C8orf34: variants seen among roughly 807,000 people sequenced by gnomAD.
C8orf34 encodes chromosome 8 open reading frame 34.
A neutral mutation model predicts 68.3 loss-of-function variants in C8orf34; 65 were observed. The observed-to-expected ratio is 0.95, with a 90% CI of 0.78 to 1.17. The LOEUF (loss-of-function observed/expected upper bound fraction) is 1.17. Among genes scored for constraint, C8orf34 ranks in the 50% most tolerant of loss-of-function variants. The probability of loss-of-function intolerance (pLI) is 0.00; values close to 1 mark genes in which losing one functional copy is unlikely to be tolerated. For synonymous variants in C8orf34, 244 were observed against 241.2 expected, an observed-to-expected ratio of 1.01 and a Z score of -0.11; for missense variants, 664 against 655.4, an observed-to-expected ratio of 1.01 and a Z score of -0.14.
rs541070390 is a variant in C8orf34 at position 68,753,390 on chromosome 8, A to G, written c.1405-23009A>G. 5.9e-5 allele frequency among the ~76,000 whole-genome samples: 9 copies of G among 152,370 alleles called. No homozygotes were observed. In the South Asian group the frequency reaches 1.7e-3, roughly 28 times the overall value. On this transcript the variant is annotated intron_variant, in intron 10 of 13. Transcript: ENST00000518698. ...GTGAAATGGTTTTAGCCTTAAAAAC[A>G]TAATGGTTCTCTAAGGAAAATTATC...
chr8:68,774,922 C>T (rs1347734057), intron 10 of C8orf34, among the ~76,000 whole-genome samples: 1 of 82,676 alleles, frequency 1.2e-5, no homozygotes, highest in Non-Finnish European at 2.3e-5. Context: ...CCCTTTCCAA[C>T]ATGATGAAAC....
chr8:68,450,543 A>T (rs575591867), intron 3 of C8orf34, among the ~76,000 whole-genome samples: 3 of 152,162 alleles, frequency 2.0e-5, no homozygotes, highest in Non-Finnish European at 4.4e-5. Context: ...TTCTTGATTC[A>T]TGGACTGCAG....
intron 12 of C8orf34, among the ~76,000 whole-genome samples, chr8:68,813,713 C>G (rs1585923209): frequency 6.6e-6 from 1 of 152,138 alleles, no homozygotes; most frequent in Non-Finnish European, 1.5e-5. Flanking sequence ...TTTAAGGCTC[C>G]TAACATTTGT....
At chr8:68,614,276 A>C (rs1435507105) in intron 7 of C8orf34, among the ~76,000 whole-genome samples, 5 of 152,122 alleles carry the variant, frequency 3.3e-5, no homozygotes, top group Admixed American at 6.6e-5. Flanking sequence ...TTTGCTGTGC[A>C]GAAGCTCTTT....
chr8:68,771,806 T>C (rs1277095567), intron 10 of C8orf34, among the ~76,000 whole-genome samples: 1 of 152,212 alleles, frequency 6.6e-6, no homozygotes, highest in Non-Finnish European at 1.5e-5. Flanking sequence ...ACTAGATGCC[T>C]TTCCTCTGAC....
At chr8:68,477,073 A>G (rs1247715634) in intron 4 of C8orf34, among the ~76,000 whole-genome samples, 1 of 152,134 alleles carries the variant, frequency 6.6e-6, no homozygotes, top group Non-Finnish European at 1.5e-5. Context: ...TTGAAATCTC[A>G]ACTCCTAGGT....
chr8:68,630,708 T>C (rs1818664476), intron 7 of C8orf34, among the ~76,000 whole-genome samples: 2 of 152,116 alleles, frequency 1.3e-5, no homozygotes, highest in African/African-American at 4.8e-5. Context: ...AAAAAAGTCC[T>C]ACAATTAATG....
rs1808076087 is a variant in C8orf34 at position 68,382,293 on chromosome 8, CAGAG to C, written c.327+50958_327+50961del. On this transcript the variant is annotated intron_variant, in intron 1 of 13. Coordinates refer to ENST00000518698, the MANE Select transcript of C8orf34 (RefSeq NM_052958.4). ...TCACATATATTGCCAAAATGCTTTC[CAGAG>C]AGATTTTTACAGTTTACAATCTTGA... is the stretch of plus-strand genomic sequence containing the variant. Among the ~76,000 whole-genome samples the C allele has an allele frequency of 1.3e-5, 2 of 152,092 alleles. 1 individual carries two copies. The highest frequency in any genetic ancestry group is 2.9e-5 in the Non-Finnish European group (2 of 68,012).
At chr8:68,606,184 T>C (rs1361147784) in intron 7 of C8orf34, among the ~76,000 whole-genome samples, 1 of 152,134 alleles carries the variant, frequency 6.6e-6, no homozygotes, top group African/African-American at 2.4e-5. Context: ...ATTAATTCTC[T>C]TATACATTAA....
At chr8:68,552,083 C>T (rs751675569) in intron 7 of C8orf34, among the ~76,000 whole-genome samples, 11 of 152,088 alleles carry the variant, frequency 7.2e-5, no homozygotes, top group Non-Finnish European at 1.5e-4. Context: ...ATTCCAGTGA[C>T]GTACATGTCT....
In C8orf34 at chr8:68,607,406, C is replaced by T. The variant is rs562037318; in HGVS notation, c.1106-32970C>T. On this transcript the variant is annotated intron_variant, in intron 7 of 13. Transcript: ENST00000518698. ...TGTCTCACAGATGGCCACAGGTGGC[C>T]GCCTTTTCACTATATCTTTACATGG... Among the ~76,000 whole-genome samples, 12 of 152,158 alleles carry T rather than the reference C, an allele frequency of 7.9e-5. No homozygotes were observed. The South Asian group carries it at 8.3e-4, about 11-fold the overall frequency.
chr8:68,339,254 A>G (rs963818433), intron 1 of C8orf34, among the ~76,000 whole-genome samples: 1 of 151,748 alleles, frequency 6.6e-6, no homozygotes, highest in Non-Finnish European at 1.5e-5. Context: ...GGGTATCTAC[A>G]AAAAAGAGAC....
At chr8:68,429,530 A>G (rs1276332230) in intron 1 of C8orf34, among the ~76,000 whole-genome samples, 1 of 152,260 alleles carries the variant, frequency 6.6e-6, no homozygotes, top group Non-Finnish European at 1.5e-5. Flanking sequence ...TCTGCTAGGG[A>G]TAAGTCCAAC....
chr8:68,372,719 T>G (rs1378248841), intron 1 of C8orf34, among the ~76,000 whole-genome samples: 2 of 152,186 alleles, frequency 1.3e-5, no homozygotes, highest in Non-Finnish European at 2.9e-5. Context: ...GTCATCTACA[T>G]TAAGTATTTC....
chr8:68,465,686 T>C (rs1176422206), intron 3 of C8orf34, among the ~76,000 whole-genome samples: 1 of 150,852 alleles, frequency 6.6e-6, no homozygotes, highest in Non-Finnish European at 1.5e-5. Flanking sequence ...TCATTCTCAG[T>C]AAACTATCGC....
chr8:68,456,117 G>A (rs1010516298), intron 3 of C8orf34, among the ~76,000 whole-genome samples: 4 of 151,114 alleles, frequency 2.6e-5, no homozygotes, highest in Non-Finnish European at 5.9e-5. Context: ...TTAGCAGGGC[G>A]TGGTGGTGGG....
At chr8:68,389,111 T>C (rs1191787533) in intron 1 of C8orf34, among the ~76,000 whole-genome samples, 1 of 152,170 alleles carries the variant, frequency 6.6e-6, no homozygotes, top group Non-Finnish European at 1.5e-5. Context: ...ATGCATTCAT[T>C]TTGCAGAGAT....
At chr8:68,390,255 G>C (rs538482583) in intron 1 of C8orf34, among the ~76,000 whole-genome samples, 23 of 152,182 alleles carry the variant, frequency 1.5e-4, no homozygotes, top group African/African-American at 4.8e-4. Context: ...ATGTGTTAGT[G>C]CCTTGGGTTG....
At chr8:68,787,627 T>C in intron 12 of C8orf34, 91 bp downstream of exon 12, 1 of 858,718 alleles carries the variant, frequency 1.2e-6, no homozygotes, top group Non-Finnish European at 1.7e-6. Context: ...ATAAACAACT[T>C]CTGTAAAAAA....
Sources: allele counts gnomAD v4.1 joint callset (sites outside exome capture counted in the v4.1 genomes callset), GRCh38; gene constraint gnomAD v4.1.1; transcripts MANE v1.5; gene names NCBI Gene and HGNC (gene_info 2026-07-23, HGNC 2026-07-21).